Variants in HEPH observed in about 807,000 individuals in gnomAD.
HEPH encodes the protein hephaestin.
A neutral mutation model predicts 80.8 loss-of-function variants in HEPH; 69 were observed. The ratio of observed to expected loss-of-function variants is 0.85; its 90% CI spans 0.70 to 1.04. HEPH has a LOEUF of 1.04. Ranked by LOEUF, HEPH falls within the 50% of genes least tolerant of loss-of-function variation. The pLI is 0.00. For missense variants in HEPH, 1,115 were observed against 891.3 expected (o/e 1.25, Z -3.20); for synonymous variants, 431 against 322.8 (o/e 1.34, Z -3.60).
intron 15 of HEPH, among the ~76,000 whole-genome samples, chrX:66,235,227 T>C (rs2090314366): frequency 8.9e-6 from 1 of 112,077 alleles, no homozygotes; most frequent in Non-Finnish European, 1.9e-5. Flanking sequence ...AATTTTTGCT[T>C]TTGTTGCAAT....
chrX:66,191,914 GGTGGTATAAGCAA>G (rs1260161871), intron 6 of HEPH, among the ~76,000 whole-genome samples: 2 of 111,268 alleles, frequency 1.8e-5, no homozygotes, highest in African/African-American at 6.5e-5. Context: ...ATGCATCAGT[GGTGGTATAAGCAA>G]GTGGAGGTAC....
At chrX:66,260,394 G>A in intron 19 of HEPH, 132 bp downstream of exon 19, 2 of 480,891 alleles carry the variant, frequency 4.2e-6, no homozygotes, top group South Asian at 3.7e-5. Context: ...GCAGAGCATA[G>A]CCTCCCTCTA....
intron 15 of HEPH, among the ~76,000 whole-genome samples, chrX:66,221,493 A>T (rs1328472030): frequency 8.9e-6 from 1 of 112,440 alleles, no homozygotes; most frequent in African/African-American, 3.2e-5. Context: ...CCCAAGGGTT[A>T]TTTTGTCTGC....
rs1009645605 is a variant in HEPH at position 66,192,248 on chromosome X, C to T, written c.1182C>T (p.Gly394=). Reference sequence around the variant, plus strand: ...CCCATGAGATTCAATGGGACTATGGCCCGATGGGGCATGATGGGAGTACTG... The same window carrying T: ...CCCATGAGATTCAATGGGACTATGGTCCGATGGGGCATGATGGGAGTACTG... ...IEAHEIQWDY[G]PMGHDGSTGK... Residue 394 remains glycine (G), a synonymous_variant, in exon 7 of 21, where the codon GGC becomes GGT. Coordinates refer to ENST00000343002, the MANE Select transcript of HEPH (RefSeq NM_001367233.3). 10 of 1,209,303 alleles carry T rather than the reference C, an allele frequency of 8.3e-6. No individual in the cohort carries two copies. In the African/African-American group the frequency reaches 1.4e-4, roughly 17 times the overall value.
At chrX:66,207,135 C>A in intron 13 of HEPH, 60 bp from the exon 14 acceptor site, 5 of 1,013,226 alleles carry the variant, frequency 4.9e-6, no homozygotes, top group Non-Finnish European at 5.2e-6. Flanking sequence ...CCCATAAATA[C>A]TCAAATGAAA....
chrX:66,186,573 G>A (rs1011666437), intron 4 of HEPH, among the ~76,000 whole-genome samples: 11 of 112,443 alleles, frequency 9.8e-5, no homozygotes, highest in South Asian at 7.4e-4. Flanking sequence ...CGCATGGTGC[G>A]CACACACACT....
intron 19 of HEPH, among the ~76,000 whole-genome samples, chrX:66,261,359 T>A (rs1400857900): frequency 9.0e-6 from 1 of 111,534 alleles, no homozygotes; most frequent in African/African-American, 3.3e-5. Context: ...TACCAGCCAC[T>A]CTTTGTTCCT....
chrX:66,255,970 T>A, intron 16 of HEPH, 135 bp from the exon 17 acceptor site: 1 of 455,120 alleles, frequency 2.2e-6, no homozygotes, highest in South Asian at 3.5e-5. Flanking sequence ...AGTGGGGTAC[T>A]TATAAATGTA....
At chrX:66,233,453 T>C (rs755668935) in intron 15 of HEPH, among the ~76,000 whole-genome samples, 1 of 111,733 alleles carries the variant, frequency 8.9e-6, no homozygotes, top group East Asian at 2.8e-4. Flanking sequence ...GCTCTTTGTG[T>C]CTGCCTTAAT....
intron 15 of HEPH, among the ~76,000 whole-genome samples, chrX:66,215,385 A>G (rs1049437360): frequency 5.4e-5 from 6 of 110,644 alleles, no homozygotes; most frequent in Non-Finnish European, 7.6e-5. Context: ...TTCCATTTCC[A>G]TATATGTTTG....
At chrX:66,260,305 A>G in intron 19 of HEPH, 43 bp downstream of exon 19, 1 of 1,079,934 alleles carries the variant, frequency 9.3e-7, no homozygotes, top group Non-Finnish European at 1.3e-6. Flanking sequence ...CTAACACTTT[A>G]TCTAGCCTAT....
chrX:66,266,300 T>C (rs1401178489), intron 20 of HEPH, 140 bp from the exon 21 acceptor site: 3 of 460,900 alleles, frequency 6.5e-6, no homozygotes, highest in Middle Eastern at 3.5e-4. Context: ...TCTGTCTTCA[T>C]CAGCTAGTTT....
At chrX:66,246,773 C>A (rs1459169215) in intron 15 of HEPH, among the ~76,000 whole-genome samples, 2 of 111,802 alleles carry the variant, frequency 1.8e-5, no homozygotes, top group South Asian at 7.5e-4. Flanking sequence ...TTTCTGTAGC[C>A]CTGCTACCTT....
intron 6 of HEPH, among the ~76,000 whole-genome samples, chrX:66,191,108 G>A (rs1266890016): frequency 9.0e-6 from 1 of 111,720 alleles, no homozygotes; most frequent in Non-Finnish European, 1.9e-5. Flanking sequence ...CAAGATAGTA[G>A]ATATAAGAAA....
chrX:66,176,349 T>C (rs1384164272), intron 4 of HEPH, among the ~76,000 whole-genome samples: 1 of 111,803 alleles, frequency 8.9e-6, no homozygotes, highest in East Asian at 2.8e-4. Context: ...ATCCTTGCAT[T>C]CCTTTCATAT....
At chrX:66,235,583 A>C (rs1212750605) in intron 15 of HEPH, among the ~76,000 whole-genome samples, 2 of 111,803 alleles carry the variant, frequency 1.8e-5, no homozygotes, top group African/African-American at 6.5e-5. Context: ...TTGTACCAGT[A>C]CCATGCTGTT....
At chrX:66,232,705 T>A (rs1021832778) in intron 15 of HEPH, among the ~76,000 whole-genome samples, 5 of 110,798 alleles carry the variant, frequency 4.5e-5, no homozygotes, top group Non-Finnish European at 5.7e-5. Flanking sequence ...CTCCTATGTA[T>A]CAATGTACAA....
chrX:66,188,281 T>G (rs2087590106), intron 4 of HEPH, 78 bp from the exon 5 acceptor site: 1 of 758,924 alleles, frequency 1.3e-6, no homozygotes. Flanking sequence ...TTTCTATTCC[T>G]TTCTTATGAG....
At position 66,198,902 on chromosome X, in the gene HEPH, C is replaced by A. The variant is rs1263939068; in HGVS notation, c.1738C>A (p.Leu580Ile). Residue 580 changes from leucine to isoleucine, a missense_variant, in exon 11 of 21, where the codon CTT becomes ATT. By Grantham distance (5) the Leu-to-Ile change is conservative. Transcript: ENST00000343002. ...GAAAGGGGTGGATAAAGAATTCTTT[C>A]TTCTCTTCACTGTGTTGGATGAGAA... ...KQKGVDKEFF[L>I]LFTVLDENKS... 4 of 1,199,546 alleles carry A rather than the reference C, an allele frequency of 3.3e-6. No individual in the cohort carries two copies. Among genetic ancestry groups the A allele is most frequent in the Non-Finnish European group, 4.5e-6 (4 of 884,752 alleles).
Sources: gnomAD v4.1 joint callset for allele counts (sites outside exome capture counted in the v4.1 genomes callset) on GRCh38, gnomAD v4.1.1 for gene constraint, MANE v1.5 for transcripts, NCBI Gene and HGNC (gene_info 2026-07-23, HGNC 2026-07-21) for gene names.